The following DNAJC6 variants were observed in gnomAD, a reference collection of about 807,000 sequenced individuals.
DNAJC6 encodes the protein auxilin.
A neutral mutation model predicts 110.0 loss-of-function variants in DNAJC6; 34 were observed. The observed-to-expected ratio is 0.31, with a 90% confidence interval of 0.24 to 0.41. The LOEUF is 0.41. DNAJC6 is among the 10% of genes least tolerant of loss of function. The probability of loss-of-function intolerance (pLI) is 1.00; values close to 1 mark genes in which losing one functional copy is unlikely to be tolerated. For synonymous variants in DNAJC6, 406 were observed against 437.2 expected, an observed-to-expected ratio of 0.93 and a Z score of 0.89; for missense variants, 1,031 against 1,207.8, an observed-to-expected ratio of 0.85 and a Z score of 2.17.
At chr1:65,380,937 T>TTG (rs1645815564) in intron 5 of DNAJC6, among the ~76,000 whole-genome samples, 1 of 145,108 alleles carries the variant, frequency 6.9e-6, no homozygotes. Flanking sequence ...TTTTTTTTTT[T>TTG]GGGACCGAGT....
At chr1:65,265,084 CATG>C (rs1383947455) in intron 1 of DNAJC6, 6 of 702,968 alleles carry the variant, frequency 8.5e-6, no homozygotes, top group East Asian at 5.8e-5. Flanking sequence ...ATATAATAAA[CATG>C]ATGACTTTAA....
At chr1:65,289,955 G>A (rs184485948) in intron 1 of DNAJC6, among the ~76,000 whole-genome samples, 23 of 151,920 alleles carry the variant, frequency 1.5e-4, no homozygotes, top group Non-Finnish European at 2.9e-4. Flanking sequence ...GATTATAGGC[G>A]CCCACTGCCA....
chr1:65,324,794 G>C (rs980675272), intron 1 of DNAJC6, among the ~76,000 whole-genome samples: 2 of 152,176 alleles, frequency 1.3e-5, no homozygotes, highest in Non-Finnish European at 2.9e-5. Context: ...ACACAATAGT[G>C]GGGGGAACTG....
rs762323071 is a variant in DNAJC6 at position 65,388,398 on chromosome 1, A to C, written c.1176A>C (p.Thr392=). 4.3e-6 allele frequency: 7 copies of C among 1,614,072 alleles called. No individual in the cohort carries two copies. The highest frequency in any genetic ancestry group is 5.9e-6 in the Non-Finnish European group (7 of 1,179,986). Reference sequence around the variant, plus strand: ...CTGGATTCATACCACTGGACACAACAGTTTTAAAGTTCACCAAGTAAGTAC... The same window carrying C: ...CTGGATTCATACCACTGGACACAACCGTTTTAAAGTTCACCAAGTAAGTAC... ...FHTGFIPLDT[T]VLKFTKPELD... The change falls in exon 9 of 19, where the codon ACA becomes ACC. Residue 392 remains threonine (T), a synonymous_variant. Transcript: ENST00000371069.
chr1:65,408,155 A>G (rs538517734), intron 16 of DNAJC6, among the ~76,000 whole-genome samples: 1 of 152,320 alleles, frequency 6.6e-6, no homozygotes, highest in African/African-American at 2.4e-5. Context: ...CCTAGCCACC[A>G]TGCTCGGCTG....
At chr1:65,288,107 G>A (rs576733036) in intron 1 of DNAJC6, among the ~76,000 whole-genome samples, 2 of 152,212 alleles carry the variant, frequency 1.3e-5, no homozygotes, top group South Asian at 2.1e-4. Flanking sequence ...GTTGGGGTTG[G>A]GGAATGGCAA....
At chr1:65,409,290 T>C (rs1044738756) in intron 17 of DNAJC6, among the ~76,000 whole-genome samples, 7 of 152,186 alleles carry the variant, frequency 4.6e-5, no homozygotes, top group Non-Finnish European at 2.9e-5. Flanking sequence ...GGCCACTCTA[T>C]TTCATTTGGT....
At chr1:65,378,236 G>C (rs1238796118) in intron 4 of DNAJC6, among the ~76,000 whole-genome samples, 1 of 151,750 alleles carries the variant, frequency 6.6e-6, no homozygotes, top group Non-Finnish European at 1.5e-5. Context: ...CTCCATACTG[G>C]AGCCTGAAAG....
At chr1:65,326,881 T>C (rs1406198684) in intron 1 of DNAJC6, among the ~76,000 whole-genome samples, 2 of 152,240 alleles carry the variant, frequency 1.3e-5, no homozygotes, top group Non-Finnish European at 1.5e-5. Flanking sequence ...ATAGGTATTA[T>C]TTGTGTGCGT....
At chr1:65,378,146 A>G (rs1249576795) in intron 4 of DNAJC6, among the ~76,000 whole-genome samples, 1 of 152,146 alleles carries the variant, frequency 6.6e-6, no homozygotes, top group Admixed American at 6.5e-5. Flanking sequence ...AGCCTTAGCC[A>G]CTATCATCCC....
At chr1:65,364,071 C>A (rs1324785327) in intron 1 of DNAJC6, among the ~76,000 whole-genome samples, 1 of 152,130 alleles carries the variant, frequency 6.6e-6, no homozygotes, top group East Asian at 1.9e-4. Flanking sequence ...TACTGCTCTT[C>A]CTCAGCAGTC....
chr1:65,276,976 C>T (rs1415758353), intron 1 of DNAJC6, among the ~76,000 whole-genome samples: 1 of 152,164 alleles, frequency 6.6e-6, no homozygotes, highest in African/African-American at 2.4e-5. Flanking sequence ...CAGTGAGCCT[C>T]CCCTCTCTCC....
At chr1:65,336,999 TTTG>T (rs372742654) in intron 1 of DNAJC6, among the ~76,000 whole-genome samples, 37 of 151,862 alleles carry the variant, frequency 2.4e-4, no homozygotes, top group African/African-American at 6.0e-4. Flanking sequence ...CTGTGTAATT[TTTG>T]TTGTTGTTGT....
chr1:65,307,337 A>T (rs973536551), upstream of DNAJC6, among the ~76,000 whole-genome samples: 1 of 152,090 alleles, frequency 6.6e-6, no homozygotes, highest in African/African-American at 2.4e-5. Context: ...TTAAGTATAA[A>T]GATAAAATTC....
chr1:65,398,635 G>C (rs904513155), intron 13 of DNAJC6, among the ~76,000 whole-genome samples, 178 bp from the exon 14 acceptor site: 1 of 152,316 alleles, frequency 6.6e-6, no homozygotes, highest in South Asian at 2.1e-4. Flanking sequence ...CAGAGGTGAA[G>C]GCAGAACATA....
At chr1:65,277,833 C>T (rs901159893) in intron 1 of DNAJC6, among the ~76,000 whole-genome samples, 2 of 152,106 alleles carry the variant, frequency 1.3e-5, no homozygotes, top group Admixed American at 6.5e-5. Context: ...TGTTATCTCT[C>T]GAGGCAGTCT....
At chr1:65,277,952 A>G (rs1208412613) in intron 1 of DNAJC6, among the ~76,000 whole-genome samples, 1 of 152,208 alleles carries the variant, frequency 6.6e-6, no homozygotes, top group African/African-American at 2.4e-5. Context: ...GGAAAGGTAA[A>G]TGTTATAATT....
intron 1 of DNAJC6, among the ~76,000 whole-genome samples, chr1:65,303,116 C>A (rs1645004896): frequency 6.6e-6 from 1 of 152,152 alleles, no homozygotes; most frequent in African/African-American, 2.4e-5. Context: ...TAAGTGAGCT[C>A]ATTAAAGAAA....
intron 15 of DNAJC6, among the ~76,000 whole-genome samples, chr1:65,404,009 A>T (rs540176568): frequency 1.3e-5 from 2 of 151,198 alleles, no homozygotes; most frequent in African/African-American, 2.5e-5. Context: ...ATTTTAAAAT[A>T]AAAAAAACAC....
Sources: allele counts gnomAD v4.1 joint callset (sites outside exome capture counted in the v4.1 genomes callset), GRCh38; gene constraint gnomAD v4.1.1; transcripts MANE v1.5; gene names NCBI Gene and HGNC (gene_info 2026-07-23, HGNC 2026-07-21).